Variants in IFITM10 observed in about 807,000 individuals in gnomAD.
The protein encoded by IFITM10 is interferon induced transmembrane protein 10, also known as interferon-induced transmembrane protein 10.
A neutral mutation model predicts 19.0 loss-of-function variants in IFITM10; 17 were observed. The observed-to-expected ratio is 0.90, with a 90% confidence interval of 0.61 to 1.34. IFITM10 has a LOEUF of 1.34. IFITM10 is among the 40% of genes most tolerant of loss of function. The probability of loss-of-function intolerance (pLI) is 0.00; values close to 1 mark genes in which losing one functional copy is unlikely to be tolerated. For synonymous variants in IFITM10, 148 were observed against 147.2 expected (o/e 1.01, Z -0.04); for missense variants, 306 against 319.8 (o/e 0.96, Z 0.33).
intron 2 of IFITM10, among the ~76,000 whole-genome samples, chr11:1,737,826 T>C (rs1191149049): frequency 6.6e-6 from 1 of 152,254 alleles, no homozygotes; most frequent in Non-Finnish European, 1.5e-5. Context: ...TTATATTTAT[T>C]GATTTTCTTA....
rs1845703919 is a variant in IFITM10 at position 1,750,427 on chromosome 11, G to A, written c.16C>T (p.Arg6Trp). MREGKRGPPCILSFRG... is the reference protein window; with the variant it reads MREGKWGPPCILSFRG... ...AAGCTGAGGATGCATGGCGGCCCCCGTTTTCCCTCCCTCATCTCTCTCCAA... is the reference window on the plus strand; with the variant it reads ...AAGCTGAGGATGCATGGCGGCCCCCATTTTCCCTCCCTCATCTCTCTCCAA... The change falls in exon 1 of 3, where the codon CGG becomes TGG. Residue 6 changes from arginine to tryptophan, a missense_variant. Transcript: ENST00000340134. The A allele has an allele frequency of 6.5e-7, 1 of 1,550,210 alleles. No homozygotes were observed. Among genetic ancestry groups the A allele is most frequent in the Non-Finnish European group, 8.7e-7 (1 of 1,146,900 alleles).
Position 1,749,155 on chromosome 11 carries a change from C to T in IFITM10, c.85-1036G>A, listed in dbSNP as rs890427845. 22 of 951,604 alleles carry T rather than the reference C, an allele frequency of 2.3e-5. No individual in the cohort carries two copies. The East Asian group carries it at 1.0e-3, about 45-fold the overall frequency. 58.9% of individuals were successfully genotyped at this position (951,604 alleles called of 1,614,324 possible). A position where few individuals can be genotyped will look rare whatever the true frequency, so the allele number is the denominator to read the frequency against. ...GAGGGGGTGGGGAGCGCGCGGGGCT[C>T]GGCGGCGGCGCCGCTGCCTCCCCCG... On this transcript the variant is annotated intron_variant, in intron 1 of 2. Transcript: ENST00000340134.
intron 2 of IFITM10, among the ~76,000 whole-genome samples, chr11:1,738,023 A>G (rs1309206353): frequency 6.6e-6 from 1 of 152,002 alleles, no homozygotes; most frequent in Non-Finnish European, 1.5e-5. Context: ...ACAGCTAAAG[A>G]AGATAGGGAA....
At chr11:1,746,523 C>T in intron 2 of IFITM10, 1 of 398,612 alleles carries the variant, frequency 2.5e-6, no homozygotes, top group Non-Finnish European at 4.4e-6. Context: ...GATGGATCCG[C>T]AGGCCCGAGG....
intron 1 of IFITM10, 81 bp from the exon 2 acceptor site, chr11:1,748,200 GC>G: frequency 1.9e-6 from 2 of 1,052,570 alleles, no homozygotes; most frequent in Non-Finnish European, 2.4e-6. Flanking sequence ...TCCGAGAACA[GC>G]CCCAGTGGAG....
chr11:1,747,208 A>G (rs1845660670), intron 2 of IFITM10, among the ~76,000 whole-genome samples: 1 of 152,004 alleles, frequency 6.6e-6, no homozygotes, highest in Non-Finnish European at 1.5e-5. Flanking sequence ...CCGGGTGAGG[A>G]GCTGGATAAG....
At chr11:1,743,384 A>G in intron 2 of IFITM10, among the ~76,000 whole-genome samples, 1 of 141,606 alleles carries the variant, frequency 7.1e-6, no homozygotes, top group African/African-American at 2.7e-5. Flanking sequence ...TGGATGGATG[A>G]ATGGATGGAA....
At position 1,735,250 on chromosome 11, in the gene IFITM10, G is replaced by T; in HGVS notation, c.*30C>A. The stretch of plus-strand genomic sequence containing the variant: ...TGAGAATAAACATGTCTCAGTGCTT[G>T]TCTCCGCCAGCAGCCGTGCCTGGCG... On this transcript the variant is annotated 3_prime_UTR_variant, in exon 3 of 3. Coordinates refer to ENST00000340134, the MANE Select transcript of IFITM10 (RefSeq NM_001170820.4). 6.5e-7 allele frequency: 1 copy of T among 1,549,870 alleles called. No individual in the cohort carries two copies. The highest frequency in any genetic ancestry group is 1.2e-5 in the South Asian group (1 of 83,990).
rs1234147109 is a variant in IFITM10 at position 1,747,980 on chromosome 11, G to A, written c.224C>T (p.Ala75Val). Residue 75 changes from alanine (A) to valine (V), a missense_variant, in exon 2 of 3, where the codon GCT becomes GTT. Transcript: ENST00000340134. Reference protein sequence around the residue: ...PPAGSPKGCFACVSKPPALQA... With the variant: ...PPAGSPKGCFVCVSKPPALQA... The stretch of plus-strand genomic sequence containing the variant: ...CAGGGCAGGGGGCTTGGACACGCAA[G>A]CGAAGCAGCCCTTGGGCGAACCTGC... The A allele has an allele frequency of 6.9e-7, 1 of 1,454,610 alleles. No homozygotes were observed. Among genetic ancestry groups the A allele is most frequent in the Non-Finnish European group, 9.1e-7 (1 of 1,104,094 alleles). 90.1% of individuals were successfully genotyped at this position (1,454,610 alleles called of 1,614,324 possible).
Position 1,747,799 on chromosome 11 carries a change from G to T in IFITM10, c.405C>A (p.Thr135=), listed in dbSNP as rs1300584837. 6.4e-6 allele frequency: 10 copies of T among 1,550,942 alleles called. No homozygotes were observed. Among genetic ancestry groups the T allele is most frequent in the Non-Finnish European group, 8.7e-6 (10 of 1,146,472 alleles). ...CKHLAEKKTM[T]NPTTVIEVYP... ...AGACCTCGATGACGGTCGTGGGGTTGGTCATCGTCTTCTTCTCGGCTAGGT... is the reference window on the plus strand; with the variant it reads ...AGACCTCGATGACGGTCGTGGGGTTTGTCATCGTCTTCTTCTCGGCTAGGT... Residue 135 remains threonine, a synonymous_variant, in exon 2 of 3, where the codon ACC becomes ACA. Coordinates refer to ENST00000340134, the MANE Select transcript of IFITM10 (RefSeq NM_001170820.4).
rs1190880543 is a variant in IFITM10 at position 1,743,072 on chromosome 11, TGGATGGATGGA to T, written c.537+4584_537+4594del. ...GAAGGATGGATGGAGGGCGGATGGA[TGGATGGATGGA>T]GGATGGATGGAGGATGGATGGATAG... is the stretch of plus-strand genomic sequence containing the variant. On this transcript the variant is annotated intron_variant, in intron 2 of 2. Coordinates refer to ENST00000340134, the MANE Select transcript of IFITM10 (RefSeq NM_001170820.4). Among the ~76,000 whole-genome samples, 174 of 145,138 alleles carry T rather than the reference TGGATGGATGGA, an allele frequency of 1.2e-3. 1 individual carries two copies. The highest frequency in any genetic ancestry group is 3.7e-3 in the African/African-American group (142 of 38,434).
At chr11:1,737,270 A>G (rs976028397) in intron 2 of IFITM10, among the ~76,000 whole-genome samples, 6 of 152,344 alleles carry the variant, frequency 3.9e-5, no homozygotes, top group Admixed American at 3.9e-4. Context: ...TGCATGTCTA[A>G]CTGATTTTGT....
chr11:1,736,501 G>C (rs1851088237), intron 2 of IFITM10, among the ~76,000 whole-genome samples: 1 of 152,034 alleles, frequency 6.6e-6, no homozygotes, highest in South Asian at 2.1e-4. Flanking sequence ...GAGTGGGGAA[G>C]GGAAAGCTAG....
rs1851060142 is a variant in IFITM10, at chr11:1,734,331, C to T, written c.*949G>A. 1 of 152,278 alleles carries T rather than the reference C, an allele frequency of 6.6e-6. No individual in the cohort carries two copies. The allele number at this position is 152,278 out of a possible 1,614,324, so 9.4% of individuals were successfully genotyped here. A position where few individuals can be genotyped will look rare whatever the true frequency, so the allele number is the denominator to read the frequency against. On this transcript the variant is annotated 3_prime_UTR_variant, in exon 3 of 3. Coordinates refer to ENST00000340134, the MANE Select transcript of IFITM10 (RefSeq NM_001170820.4). ...GGCCTCGGCCTTTGAAAGGCATCTT[C>T]CGTTCATTTTCACAGTGATTATAGA...
At chr11:1,738,571 T>C (rs987942359) in intron 2 of IFITM10, among the ~76,000 whole-genome samples, 1 of 150,336 alleles carries the variant, frequency 6.7e-6, no homozygotes, top group African/African-American at 2.5e-5. Context: ...GGATGGGAGG[T>C]GATGTGTGGA....
chr11:1,742,943 AGATG>A (rs1446031796), intron 2 of IFITM10, among the ~76,000 whole-genome samples: 3 of 146,980 alleles, frequency 2.0e-5, no homozygotes, highest in Admixed American at 6.7e-5. Flanking sequence ...ATGGATGGAT[AGATG>A]GATGGAGGAT....
chr11:1,741,567 G>A (rs1283442400), intron 2 of IFITM10, among the ~76,000 whole-genome samples: 1 of 152,152 alleles, frequency 6.6e-6, no homozygotes, highest in African/African-American at 2.4e-5. Context: ...TGGCCAGGCA[G>A]TTCTTCTATG....
At chr11:1,738,628 C>T (rs910335891) in intron 2 of IFITM10, among the ~76,000 whole-genome samples, 1 of 152,134 alleles carries the variant, frequency 6.6e-6, no homozygotes, top group African/African-American at 2.4e-5. Flanking sequence ...TAGGTGAATA[C>T]ACGAGAATGT....
chr11:1,747,542 A>G, intron 2 of IFITM10, 125 bp downstream of exon 2: 1 of 821,972 alleles, frequency 1.2e-6, no homozygotes, highest in South Asian at 1.7e-5. Context: ...TGGCCCCTCA[A>G]CTGCACCTGT....
Sources: gnomAD v4.1 joint callset for allele counts (sites outside exome capture counted in the v4.1 genomes callset) on GRCh38, gnomAD v4.1.1 for gene constraint, MANE v1.5 for transcripts, NCBI Gene and HGNC (gene_info 2026-07-23, HGNC 2026-07-21) for gene names.